TOX: variants seen among roughly 807,000 people sequenced by gnomAD.
The protein encoded by TOX is thymocyte selection associated high mobility group box.
A neutral mutation model predicts 53.7 loss-of-function variants in TOX; 11 were observed. The observed-to-expected ratio is 0.20, with a 90% CI of 0.13 to 0.34. TOX has a LOEUF of 0.34. TOX is among the 10% of genes least tolerant of loss of function. The probability of loss-of-function intolerance (pLI) is 1.00; values close to 1 mark genes in which losing one functional copy is unlikely to be tolerated. For missense variants in TOX, 570 were observed against 664.6 expected (o/e 0.86, Z 1.56); for synonymous variants, 225 against 245.3 (o/e 0.92, Z 0.77).
chr8:59,047,393 T>G (rs573371769), intron 1 of TOX, among the ~76,000 whole-genome samples: 123 of 147,458 alleles, frequency 8.3e-4, no homozygotes, highest in African/African-American at 2.8e-3. Flanking sequence ...ATTTTTTTTT[T>G]ATTTTTTTAT....
intron 3 of TOX, among the ~76,000 whole-genome samples, chr8:58,899,691 G>A (rs1420504992): frequency 2.0e-5 from 3 of 152,164 alleles, no homozygotes; most frequent in African/African-American, 7.2e-5. Flanking sequence ...TCTGAAATCT[G>A]AAACTTTTTG....
chr8:58,810,631 G>A (rs1487234795), intron 7 of TOX, among the ~76,000 whole-genome samples: 2 of 152,052 alleles, frequency 1.3e-5, no homozygotes, highest in Non-Finnish European at 2.9e-5. Context: ...GGGATTACAC[G>A]AGTGAGCTAC....
intron 7 of TOX, among the ~76,000 whole-genome samples, chr8:58,813,861 G>T (rs905651601): frequency 6.6e-6 from 1 of 152,122 alleles, no homozygotes; most frequent in Admixed American, 6.5e-5. Flanking sequence ...GGAGATACAG[G>T]TTTTCTCATA....
chr8:58,999,371 C>G (rs439557), intron 1 of TOX, among the ~76,000 whole-genome samples: 143,146 of 151,936 alleles, frequency 0.94, 67,475 homozygotes, highest in East Asian at 1. Context: ...TGAAAAAGGA[C>G]TTTAAATCCC....
chr8:58,884,999 G>A (rs1002024321), intron 3 of TOX, among the ~76,000 whole-genome samples: 2 of 152,178 alleles, frequency 1.3e-5, no homozygotes, highest in South Asian at 4.2e-4. Context: ...TTCCTAGAAT[G>A]TTTTCAAAAG....
At chr8:58,873,726 G>A (rs1197027709) in intron 3 of TOX, among the ~76,000 whole-genome samples, 6 of 151,952 alleles carry the variant, frequency 3.9e-5, no homozygotes, top group African/African-American at 1.5e-4. Context: ...TCTTTCAAAA[G>A]GAAGGCACTA....
chr8:58,878,401 A>G (rs766956848), intron 3 of TOX, among the ~76,000 whole-genome samples: 15 of 152,204 alleles, frequency 9.9e-5, no homozygotes, highest in Non-Finnish European at 1.8e-4. Context: ...TTTTAGGTCT[A>G]TCATCTTTCT....
At chr8:58,968,045 T>C (rs11774625) in intron 1 of TOX, among the ~76,000 whole-genome samples, 10,655 of 152,200 alleles carry the variant, frequency 0.07, 450 homozygotes, top group Middle Eastern at 0.17. Flanking sequence ...CAGTGATAAA[T>C]AGAAGAAACA....
At chr8:58,935,088 T>C (rs1184911687) in intron 3 of TOX, among the ~76,000 whole-genome samples, 1 of 152,190 alleles carries the variant, frequency 6.6e-6, no homozygotes, top group African/African-American at 2.4e-5. Context: ...TGAAACTGTA[T>C]CACTTATGTT....
At chr8:59,050,635 T>C (rs1027368459) in intron 1 of TOX, among the ~76,000 whole-genome samples, 6 of 152,142 alleles carry the variant, frequency 3.9e-5, no homozygotes, top group Non-Finnish European at 7.4e-5. Flanking sequence ...TCCTAATTCC[T>C]TGTACTAATA....
rs143862780 is a variant in TOX, at chr8:59,067,604, A to G, written c.102+51282T>C. 3.1e-3 allele frequency among the ~76,000 whole-genome samples: 470 copies of G among 152,160 alleles called. 24 individuals are homozygous for G. The East Asian group carries it at 0.078, about 25-fold the overall frequency. On this transcript the variant is annotated intron_variant, in intron 1 of 8. Transcript: ENST00000361421. The stretch of plus-strand genomic sequence containing the variant: ...AAATAAAACTACAATAATAACAAAC[A>G]TAGCACATTATTATTTCTAAACATA...
At chr8:58,817,641 G>A (rs1201001580) in intron 6 of TOX, among the ~76,000 whole-genome samples, 1 of 152,154 alleles carries the variant, frequency 6.6e-6, no homozygotes, top group Non-Finnish European at 1.5e-5. Flanking sequence ...TGTTCGGTAT[G>A]TTTGAATTCC....
At chr8:59,048,126 T>A (rs538723864) in intron 1 of TOX, among the ~76,000 whole-genome samples, 1 of 152,194 alleles carries the variant, frequency 6.6e-6, no homozygotes, top group African/African-American at 2.4e-5. Flanking sequence ...AAGATCAAAA[T>A]GGCCATGATC....
chr8:58,975,941 G>A (rs986696196), intron 1 of TOX, among the ~76,000 whole-genome samples: 13 of 152,100 alleles, frequency 8.5e-5, no homozygotes, highest in African/African-American at 4.8e-5. Context: ...GCGTGATGGC[G>A]TGTGCCTGTA....
rs202239662 is a variant in TOX at position 59,007,212 on chromosome 8, G to A, written c.103-47204C>T. On this transcript the variant is annotated intron_variant, in intron 1 of 8. Coordinates refer to ENST00000361421, the MANE Select transcript of TOX (RefSeq NM_014729.3). Reference sequence around the variant, plus strand: ...ACCACAGCTCTGCTGGAAAATAAGGGGCTGTCATCTTTTTTTTTTTCTTCA... The same window carrying A: ...ACCACAGCTCTGCTGGAAAATAAGGAGCTGTCATCTTTTTTTTTTTCTTCA... Among the ~76,000 whole-genome samples, 16 of 117,712 alleles carry A rather than the reference G, an allele frequency of 1.4e-4. No homozygotes were observed. The East Asian group carries it at 3.9e-3, about 29-fold the overall frequency. The allele number at this position is 117,712 out of a possible 152,430, so 77.2% of individuals were successfully genotyped here.
intron 1 of TOX, among the ~76,000 whole-genome samples, chr8:59,072,302 T>TA (rs940350207): frequency 1.3e-5 from 2 of 152,192 alleles, no homozygotes; most frequent in African/African-American, 4.8e-5. Flanking sequence ...CCACGGTGAC[T>TA]AAAAAAATCT....
At chr8:58,831,373 CAA>C (rs1485836228) in intron 5 of TOX, among the ~76,000 whole-genome samples, 1 of 152,078 alleles carries the variant, frequency 6.6e-6, no homozygotes, top group Non-Finnish European at 1.5e-5. Flanking sequence ...AAATTAAAAT[CAA>C]AAAGTCATTA....
At chr8:58,933,847 G>A (rs2129175939) in intron 3 of TOX, among the ~76,000 whole-genome samples, 1 of 152,258 alleles carries the variant, frequency 6.6e-6, no homozygotes, top group East Asian at 1.9e-4. Context: ...TCTAACTCCT[G>A]CACCCCACCC....
At chr8:58,960,058 T>A (rs1812776108) in intron 1 of TOX, 50 bp from the exon 2 acceptor site, 1 of 1,595,818 alleles carries the variant, frequency 6.3e-7, no homozygotes, top group East Asian at 2.2e-5. Flanking sequence ...TGCGGGTATG[T>A]TTGGTTTTTA....
Sources: gnomAD v4.1 joint callset for allele counts (sites outside exome capture counted in the v4.1 genomes callset) on GRCh38, gnomAD v4.1.1 for gene constraint, MANE v1.5 for transcripts, NCBI Gene and HGNC (gene_info 2026-07-23, HGNC 2026-07-21) for gene names.